The following BCAS4 variants were observed in gnomAD, a reference collection of about 807,000 sequenced individuals.
BCAS4 encodes the protein breast carcinoma-amplified sequence 4.
A neutral mutation model predicts 15.7 loss-of-function variants in BCAS4; 9 were observed. The observed-to-expected ratio is 0.57, with a 90% CI of 0.34 to 1.00. The LOEUF is 1.00. BCAS4 is among the 50% of genes least tolerant of loss of function. BCAS4 has a pLI of 0.02. For missense variants in BCAS4, 225 were observed against 239.1 expected, an observed-to-expected ratio of 0.94 and a Z score of 0.39; for synonymous variants, 101 against 99.5, an observed-to-expected ratio of 1.02 and a Z score of -0.09.
Position 50,860,631 on chromosome 20 carries a change from T to C in BCAS4, c.400-15855T>C, listed in dbSNP as rs181979536. 1.6e-4 allele frequency among the ~76,000 whole-genome samples: 25 copies of C among 152,270 alleles called. No individual in the cohort carries two copies. In the East Asian group the frequency reaches 4.8e-3, roughly 29 times the overall value. On this transcript the variant is annotated intron_variant, in intron 4 of 4. Transcript: ENST00000371608. ...TGGCTCACGCCTATAATCCCAGCACTTTGGGAGGCCCAGGAGGGTGGGTCA... is the reference window on the plus strand; with the variant it reads ...TGGCTCACGCCTATAATCCCAGCACCTTGGGAGGCCCAGGAGGGTGGGTCA...
chr20:50,866,737 G>A (rs150685774), intron 4 of BCAS4, among the ~76,000 whole-genome samples: 1 of 152,158 alleles, frequency 6.6e-6, no homozygotes, highest in Non-Finnish European at 1.5e-5. Context: ...GGGGGTGCCT[G>A]TGTGCTGGGA....
chr20:50,853,871 G>A (rs946943739), intron 4 of BCAS4, among the ~76,000 whole-genome samples: 8 of 151,792 alleles, frequency 5.3e-5, no homozygotes, highest in Admixed American at 6.6e-5. Flanking sequence ...TATACTCGGG[G>A]ATGTTTTGTG....
In BCAS4 at chr20:50,826,113, C is replaced by T. The variant is rs138106133; in HGVS notation, c.163-4166C>T. On this transcript the variant is annotated intron_variant, in intron 2 of 4. Coordinates refer to ENST00000371608, the MANE Select transcript of BCAS4 (RefSeq NM_198799.4). ...AAGGATACGATTCAAGTTTGTTCCCCGGTGCTCTGACCTTGCCCTGGAATT... is the reference window on the plus strand; with the variant it reads ...AAGGATACGATTCAAGTTTGTTCCCTGGTGCTCTGACCTTGCCCTGGAATT... Among the ~76,000 whole-genome samples, 25 of 152,286 alleles carry T rather than the reference C, an allele frequency of 1.6e-4. No homozygotes were observed. The East Asian group carries it at 4.8e-3, about 29-fold the overall frequency.
In BCAS4 at chr20:50,836,207, C is replaced by T. The variant is rs190043502; in HGVS notation, c.265-5559C>T. Among the ~76,000 whole-genome samples, 6 of 152,296 alleles carry T rather than the reference C, an allele frequency of 3.9e-5. No individual in the cohort carries two copies. In the East Asian group the frequency reaches 7.7e-4, roughly 20 times the overall value. On this transcript the variant is annotated intron_variant, in intron 3 of 4. Transcript: ENST00000371608. ...GTGGGATTACCGGCGTGAGCCACTG[C>T]GCCTGGCTGGTGATGTATTTCCTAT... is the stretch of plus-strand genomic sequence containing the variant.
chr20:50,795,401 C>T (rs892451081), intron 1 of BCAS4, among the ~76,000 whole-genome samples: 11 of 152,148 alleles, frequency 7.2e-5, no homozygotes, highest in African/African-American at 2.7e-4. Flanking sequence ...CTCGCTTTCC[C>T]TCCCCACCCG....
chr20:50,825,332 T>G (rs977011726), intron 2 of BCAS4, among the ~76,000 whole-genome samples: 3 of 151,388 alleles, frequency 2.0e-5, no homozygotes, highest in African/African-American at 4.8e-5. Flanking sequence ...CCCTCTCACC[T>G]CGGCCTCTCA....
intron 3 of BCAS4, among the ~76,000 whole-genome samples, chr20:50,835,423 T>C (rs2088396554): frequency 6.6e-6 from 1 of 152,026 alleles, no homozygotes; most frequent in South Asian, 2.1e-4. Context: ...TTTTTGTATT[T>C]TTATTAGAGA....
chr20:50,805,598 C>G (rs1014320552), intron 1 of BCAS4, among the ~76,000 whole-genome samples: 1 of 152,120 alleles, frequency 6.6e-6, no homozygotes, highest in Non-Finnish European at 1.5e-5. Flanking sequence ...CTGTTGTCTC[C>G]CTGACCTGGA....
intron 4 of BCAS4, among the ~76,000 whole-genome samples, chr20:50,863,378 C>T (rs766857579): frequency 3.3e-5 from 5 of 151,388 alleles, no homozygotes; most frequent in Admixed American, 3.3e-4. Flanking sequence ...CTGCCTCAGC[C>T]TCCCCAGTAG....
At chr20:50,807,781 G>GT (rs1385147713) in intron 1 of BCAS4, among the ~76,000 whole-genome samples, 7 of 151,890 alleles carry the variant, frequency 4.6e-5, no homozygotes, top group Non-Finnish European at 1.0e-4. Flanking sequence ...CCATTTCTGA[G>GT]TTACTTCGCT....
chr20:50,828,800 C>T (rs1410621715), intron 2 of BCAS4, among the ~76,000 whole-genome samples: 1 of 151,980 alleles, frequency 6.6e-6, no homozygotes, highest in Non-Finnish European at 1.5e-5. Flanking sequence ...AAAAGTGAGT[C>T]ACTAGGCTCA....
intron 4 of BCAS4, among the ~76,000 whole-genome samples, chr20:50,857,331 A>G (rs2870018): frequency 2.0e-5 from 3 of 152,108 alleles, no homozygotes; most frequent in Non-Finnish European, 4.4e-5. Context: ...GGGTTTCTCC[A>G]TGCTGGTCAG....
intron 3 of BCAS4, among the ~76,000 whole-genome samples, chr20:50,831,265 C>T (rs2088340164): frequency 6.6e-6 from 1 of 152,064 alleles, no homozygotes. Context: ...CCTGTCCCTA[C>T]TAAAAATACT....
At chr20:50,813,343 G>A (rs1372309972) in intron 1 of BCAS4, among the ~76,000 whole-genome samples, 2 of 152,312 alleles carry the variant, frequency 1.3e-5, no homozygotes, top group Middle Eastern at 3.4e-3. Flanking sequence ...AGGATTTGGG[G>A]TGGGGAGAGC....
At chr20:50,874,777 C>A (rs1421538618) in intron 4 of BCAS4, among the ~76,000 whole-genome samples, 3 of 152,134 alleles carry the variant, frequency 2.0e-5, no homozygotes, top group East Asian at 1.9e-4. Context: ...TGGGGAGGGG[C>A]CTGCAGAGGT....
chr20:50,829,642 G>C (rs1350167890), intron 2 of BCAS4, among the ~76,000 whole-genome samples: 1 of 152,054 alleles, frequency 6.6e-6, no homozygotes, highest in African/African-American at 2.4e-5. Flanking sequence ...CACACACACA[G>C]AAGAGTTAGG....
intron 2 of BCAS4, among the ~76,000 whole-genome samples, chr20:50,827,232 G>C (rs1340959765): frequency 6.6e-6 from 1 of 152,236 alleles, no homozygotes; most frequent in Non-Finnish European, 1.5e-5. Flanking sequence ...CACTTGTGCA[G>C]TTTTGAGACA....
intron 3 of BCAS4, among the ~76,000 whole-genome samples, chr20:50,834,960 C>T (rs551994710): frequency 1.2e-4 from 18 of 152,284 alleles, no homozygotes; most frequent in African/African-American, 3.9e-4. Context: ...CATTAGCTGG[C>T]GCACAGTTGG....
At chr20:50,841,016 G>A (rs2088473771) in intron 3 of BCAS4, 1 of 392,464 alleles carries the variant, frequency 2.5e-6, no homozygotes, top group South Asian at 2.2e-5. Context: ...TTTTAGCAGA[G>A]ACGCAGTTTC....
Sources: gnomAD v4.1 joint callset for allele counts (sites outside exome capture counted in the v4.1 genomes callset) on GRCh38, gnomAD v4.1.1 for gene constraint, MANE v1.5 for transcripts, NCBI Gene and HGNC (gene_info 2026-07-23, HGNC 2026-07-21) for gene names.